BASP1: variants seen among roughly 807,000 people sequenced by gnomAD.
The protein encoded by BASP1 is brain acid soluble protein 1.
In BASP1, 1 loss-of-function variant was observed where a neutral mutation model predicts 2.2. That is an observed-to-expected ratio of 0.46 (90% CI 0.16 to 2.17). The LOEUF is 2.17. BASP1 is among the 30% of genes most tolerant of loss of function. The pLI is 0.27. For missense variants in BASP1, 352 were observed against 327.2 expected (o/e 1.08, Z -0.58); for synonymous variants, 187 against 154.2 (o/e 1.21, Z -1.58).
Position 17,260,013 on chromosome 5 carries a change from C to T in BASP1, c.-9-15195C>T, listed in dbSNP as rs529457017. Among the ~76,000 whole-genome samples, 128 of 152,226 alleles carry T rather than the reference C, an allele frequency of 8.4e-4. No individual in the cohort carries two copies. Among genetic ancestry groups the T allele is most frequent in the African/African-American group, 2.8e-3 (115 of 41,544 alleles). On this transcript the variant is annotated intron_variant, in intron 1 of 1. Transcript: ENST00000322611. This position sits in a 1 kb window ranked among gnomAD's most constrained non-coding sequence, Gnocchi z 4.2. ...ATCTCTGCAGTTTGCATTTCCTGAG[C>T]GGGTTGTGGTTCACTTACTCCCTTT...
At chr5:17,221,091 ATAT>A (rs1308542066) in intron 1 of BASP1, among the ~76,000 whole-genome samples, 1 of 152,212 alleles carries the variant, frequency 6.6e-6, no homozygotes, top group African/African-American at 2.4e-5. Context: ...TTGGTATAGA[ATAT>A]TATTTTATAG....
Position 17,236,607 on chromosome 5 carries a change from A to G in BASP1, c.-10+18797A>G, listed in dbSNP as rs1561167615. On this transcript the variant is annotated intron_variant, in intron 1 of 1. Coordinates refer to ENST00000322611, the MANE Select transcript of BASP1 (RefSeq NM_006317.5). The surrounding 1 kb of genome is among the most constrained non-coding windows in gnomAD (Gnocchi z 4.0). ...TTGATAAAATGTTCACTGTTTGTTC[A>G]TATCCTCTCCTGTGTAGTTAGATGG... Among the ~76,000 whole-genome samples, 1 of 152,126 alleles carries G rather than the reference A, an allele frequency of 6.6e-6. No homozygotes were observed. The highest frequency in any genetic ancestry group is 1.5e-5 in the Non-Finnish European group (1 of 68,024).
intron 1 of BASP1, among the ~76,000 whole-genome samples, chr5:17,230,947 G>A (rs568199750): frequency 7.9e-5 from 12 of 152,150 alleles, no homozygotes; most frequent in African/African-American, 2.2e-4. Context: ...TCAAATTTAA[G>A]GTCACATTAC....
At chr5:17,231,194 A>G (rs1318414451) in intron 1 of BASP1, among the ~76,000 whole-genome samples, 2 of 152,236 alleles carry the variant, frequency 1.3e-5, no homozygotes, top group Admixed American at 1.3e-4. Context: ...GTCTATTTTC[A>G]ATGCAATGTC....
rs549635384 is a variant in BASP1 at position 17,249,744 on chromosome 5, T to A, written c.-9-25464T>A. On this transcript the variant is annotated intron_variant, in intron 1 of 1. Transcript: ENST00000322611. ...AAATGATTCTGTCTGTAGTAACGTT[T>A]ATCTATCTTTGCATCTTCCGACTTT... 7.3e-4 allele frequency among the ~76,000 whole-genome samples: 111 copies of A among 152,332 alleles called. 1 individual carries two copies. In the South Asian group the frequency reaches 0.022, roughly 30 times the overall value.
At position 17,262,591 on chromosome 5, in the gene BASP1, T is replaced by C. The variant is rs138456547; in HGVS notation, c.-9-12617T>C. On this transcript the variant is annotated intron_variant, in intron 1 of 1. Transcript: ENST00000322611. ...AAAACAGTCTTATGCTGAGTGTATA[T>C]GAATAAGTATTTTTTATATTTCTAC... is the stretch of plus-strand genomic sequence containing the variant. 1.1e-4 allele frequency among the ~76,000 whole-genome samples: 16 copies of C among 152,344 alleles called. No homozygotes were observed. In the East Asian group the frequency reaches 3.1e-3, roughly 29 times the overall value.
At chr5:17,233,455 T>C (rs1739676140) in intron 1 of BASP1, among the ~76,000 whole-genome samples, 1 of 152,226 alleles carries the variant, frequency 6.6e-6, no homozygotes, top group Non-Finnish European at 1.5e-5. Flanking sequence ...CTGAAGGAGC[T>C]GGCTGTGGGT....
intron 1 of BASP1, among the ~76,000 whole-genome samples, chr5:17,254,964 G>T (rs2126510176): frequency 6.6e-6 from 1 of 152,304 alleles, no homozygotes; most frequent in South Asian, 2.1e-4. Context: ...TTCCCTCTTT[G>T]CAGGTGGTCG....
In BASP1 at chr5:17,275,856, G is replaced by C. The variant is rs529077079; in HGVS notation, c.640G>C (p.Ala214Pro). ...ASAEEPKPVE[A>P]PAANSDQTVT... ...TGCAGAAGAGCCCAAGCCGGTGGAG[G>C]CCCCGGCAGCTAATTCCGACCAAAC... The change falls in exon 2 of 2, where the codon GCC becomes CCC. Residue 214 changes from alanine (A) to proline (P), a missense_variant. Physicochemically the swap from Ala to Pro is conservative, Grantham distance 27. Coordinates refer to ENST00000322611, the MANE Select transcript of BASP1 (RefSeq NM_006317.5). The surrounding 1 kb of genome is among the most constrained non-coding windows in gnomAD (Gnocchi z 5.3). The C allele has an allele frequency of 1.2e-6, 2 of 1,603,256 alleles. No individual in the cohort carries two copies. The highest frequency in any genetic ancestry group is 3.5e-5 in the Admixed American group (2 of 57,848).
chr5:17,251,134 T>G lies in BASP1; in HGVS notation c.-9-24074T>G, dbSNP rs1296442120. The stretch of plus-strand genomic sequence containing the variant: ...ATTTCAGATATCCAAAATACCCTGA[T>G]TTTATCATTACACATTGTATACAAA... On this transcript the variant is annotated intron_variant, in intron 1 of 1. Transcript: ENST00000322611. This position sits in a 1 kb window ranked among gnomAD's most constrained non-coding sequence, Gnocchi z 4.0. Among the ~76,000 whole-genome samples the G allele has an allele frequency of 6.6e-6, 1 of 152,208 alleles. No individual in the cohort carries two copies. Among genetic ancestry groups the G allele is most frequent in the Non-Finnish European group, 1.5e-5 (1 of 68,036 alleles).
intron 1 of BASP1, among the ~76,000 whole-genome samples, chr5:17,219,705 G>A (rs1395958991): frequency 6.6e-6 from 1 of 152,142 alleles, no homozygotes; most frequent in Non-Finnish European, 1.5e-5. Flanking sequence ...GCGTTTATTC[G>A]AACAAGATGG....
At chr5:17,265,648 C>A (rs1740402946) in intron 1 of BASP1, among the ~76,000 whole-genome samples, 1 of 152,078 alleles carries the variant, frequency 6.6e-6, no homozygotes, top group Non-Finnish European at 1.5e-5. Context: ...TCCTTTTGAG[C>A]CAACATTTCT....
At chr5:17,263,586 A>G (rs1740361881) in intron 1 of BASP1, among the ~76,000 whole-genome samples, 1 of 152,234 alleles carries the variant, frequency 6.6e-6, no homozygotes, top group East Asian at 1.9e-4. Context: ...GGCTTCATGA[A>G]GAATAATGGA....
At chr5:17,219,689 A>C (rs892442771) in intron 1 of BASP1, among the ~76,000 whole-genome samples, 6 of 152,226 alleles carry the variant, frequency 3.9e-5, no homozygotes, top group African/African-American at 1.4e-4. Flanking sequence ...AAATTAAGAC[A>C]TCTTGGCGTT....
intron 1 of BASP1, among the ~76,000 whole-genome samples, chr5:17,220,554 G>A (rs1458323263): frequency 6.6e-6 from 1 of 152,076 alleles, no homozygotes; most frequent in African/African-American, 2.4e-5. Context: ...CCAAGCTTTA[G>A]CAGATAGAGA....
intron 1 of BASP1, among the ~76,000 whole-genome samples, chr5:17,262,758 C>T (rs1034779910): frequency 6.6e-6 from 1 of 151,882 alleles, no homozygotes; most frequent in African/African-American, 2.4e-5. Context: ...CTTCATATGT[C>T]TTCTCCCTCT....
Position 17,239,245 on chromosome 5 carries a change from C to T in BASP1, c.-10+21435C>T, listed in dbSNP as rs535550326. Among the ~76,000 whole-genome samples, 41 of 152,234 alleles carry T rather than the reference C, an allele frequency of 2.7e-4. No homozygotes were observed. The South Asian group carries it at 8.1e-3, about 30-fold the overall frequency. ...AGTAGCTGGGACTACAGGTGCCCGC[C>T]ACCATATCTGGCTAATTTTTTGTAT... On this transcript the variant is annotated intron_variant, in intron 1 of 1. Coordinates refer to ENST00000322611, the MANE Select transcript of BASP1 (RefSeq NM_006317.5).
chr5:17,218,766 A>G (rs1174924473), intron 1 of BASP1, among the ~76,000 whole-genome samples: 1 of 69,494 alleles, frequency 1.4e-5, no homozygotes, highest in East Asian at 4.7e-4. Context: ...CTCCATTTCC[A>G]GAAAAATAAA....
At chr5:17,266,157 G>A (rs971673429) in intron 1 of BASP1, among the ~76,000 whole-genome samples, 3 of 152,144 alleles carry the variant, frequency 2.0e-5, no homozygotes, top group Non-Finnish European at 4.4e-5. Context: ...CCTACAGTGC[G>A]GGATATTTTC....
Sources: gnomAD v4.1 joint callset for allele counts (sites outside exome capture counted in the v4.1 genomes callset) on GRCh38, gnomAD v4.1.1 for gene constraint, Gnocchi (gnomAD v3.1) non-coding constraint, MANE v1.5 for transcripts, NCBI Gene and HGNC (gene_info 2026-07-23, HGNC 2026-07-21) for gene names.